The following EDIL3 variants were observed in gnomAD, a reference collection of about 807,000 sequenced individuals.
EDIL3 encodes the protein EGF like and discoidin domains 3, also known as EGF-like repeat and discoidin I-like domain-containing protein 3.
A neutral mutation model predicts 67.4 loss-of-function variants in EDIL3; 37 were observed. That is an observed-to-expected ratio of 0.55 (90% confidence interval 0.42 to 0.72). The LOEUF (loss-of-function observed/expected upper bound fraction) is 0.72. EDIL3 is among the 30% of genes least tolerant of loss of function. The pLI, the probability that EDIL3 is intolerant of heterozygous loss-of-function variation, is 0.00. For missense variants in EDIL3, 527 were observed against 586.3 expected, an observed-to-expected ratio of 0.90 and a Z score of 1.04; for synonymous variants, 195 against 196.3, an observed-to-expected ratio of 0.99 and a Z score of 0.05.
intron 5 of EDIL3, among the ~76,000 whole-genome samples, chr5:84,121,142 T>C (rs1404739222): frequency 6.6e-6 from 1 of 152,040 alleles, no homozygotes; most frequent in Admixed American, 6.6e-5. Flanking sequence ...CTGGTGTACA[T>C]ACGTTGAGCA....
chr5:84,077,822 ACTT>A (rs1288832179), intron 6 of EDIL3, among the ~76,000 whole-genome samples: 10 of 149,204 alleles, frequency 6.7e-5, no homozygotes, highest in African/African-American at 1.5e-4. Context: ...TTTCTCTTCC[ACTT>A]CTTCTTTTCT....
intron 2 of EDIL3, among the ~76,000 whole-genome samples, chr5:84,241,079 C>T (rs777844865): frequency 2.0e-5 from 3 of 152,136 alleles, no homozygotes; most frequent in Non-Finnish European, 2.9e-5. Context: ...TGATCTTTCC[C>T]CACTTGATAC....
At chr5:84,142,141 G>T (rs1267203359) in intron 4 of EDIL3, among the ~76,000 whole-genome samples, 2 of 151,480 alleles carry the variant, frequency 1.3e-5, no homozygotes, top group African/African-American at 2.4e-5. Flanking sequence ...CCATGAAATT[G>T]ACTTTGGAGT....
chr5:83,996,472 A>G (rs1745240328), intron 9 of EDIL3, among the ~76,000 whole-genome samples: 1 of 152,180 alleles, frequency 6.6e-6, no homozygotes, highest in African/African-American at 2.4e-5. Flanking sequence ...CACCATTGCC[A>G]GGTGAAGATT....
At chr5:84,336,446 A>G (rs2112171848) in intron 1 of EDIL3, among the ~76,000 whole-genome samples, 2 of 152,304 alleles carry the variant, frequency 1.3e-5, no homozygotes, top group South Asian at 4.1e-4. Context: ...GACAGTATGG[A>G]GAATGGATTA....
intron 4 of EDIL3, among the ~76,000 whole-genome samples, chr5:84,150,261 T>C (rs1395831302): frequency 6.6e-6 from 1 of 152,182 alleles, no homozygotes; most frequent in Non-Finnish European, 1.5e-5. Context: ...AAATAGATTG[T>C]AGATTACAAA....
intron 9 of EDIL3, among the ~76,000 whole-genome samples, chr5:83,990,545 AAAG>A (rs991773919): frequency 1.3e-5 from 2 of 151,904 alleles, no homozygotes; most frequent in African/African-American, 2.4e-5. Flanking sequence ...TGGAAGTCAG[AAAG>A]AAGACTTGGT....
At chr5:83,997,410 G>T (rs529762767) in intron 9 of EDIL3, among the ~76,000 whole-genome samples, 1 of 152,252 alleles carries the variant, frequency 6.6e-6, no homozygotes, top group African/African-American at 2.4e-5. Flanking sequence ...GTGAGCAATT[G>T]AGTAAAGAGG....
At chr5:84,140,059 T>C (rs553311189) in intron 4 of EDIL3, among the ~76,000 whole-genome samples, 1 of 152,270 alleles carries the variant, frequency 6.6e-6, no homozygotes, top group African/African-American at 2.4e-5. Flanking sequence ...AATGAACATT[T>C]GGAGCAGGAT....
At chr5:83,957,399 T>C (rs560887847) in intron 10 of EDIL3, among the ~76,000 whole-genome samples, 1 of 151,866 alleles carries the variant, frequency 6.6e-6, no homozygotes, top group South Asian at 2.1e-4. Flanking sequence ...ATGAGTATTA[T>C]TGACTACTCA....
At chr5:84,257,258 G>T (rs1212029708) in intron 1 of EDIL3, among the ~76,000 whole-genome samples, 1 of 152,190 alleles carries the variant, frequency 6.6e-6, no homozygotes, top group South Asian at 2.1e-4. Flanking sequence ...TTTCTACCAG[G>T]CATGTGGGCC....
intron 5 of EDIL3, among the ~76,000 whole-genome samples, chr5:84,116,029 A>G (rs890033991): frequency 3.3e-5 from 5 of 152,194 alleles, no homozygotes; most frequent in Non-Finnish European, 5.9e-5. Flanking sequence ...AAGCAATATT[A>G]CTGCCATGTC....
intron 3 of EDIL3, among the ~76,000 whole-genome samples, chr5:84,209,654 T>C (rs1449620081): frequency 1.3e-5 from 2 of 151,908 alleles, no homozygotes; most frequent in Non-Finnish European, 2.9e-5. Flanking sequence ...AAGAAAAACT[T>C]GACTCTTTCA....
At chr5:84,187,749 G>A (rs1179248968) in intron 3 of EDIL3, among the ~76,000 whole-genome samples, 1 of 151,830 alleles carries the variant, frequency 6.6e-6, no homozygotes, top group Non-Finnish European at 1.5e-5. Context: ...TTTAAAACCA[G>A]TTGTAAAGAA....
intron 1 of EDIL3, among the ~76,000 whole-genome samples, chr5:84,382,126 G>T (rs190052212): frequency 6.6e-6 from 1 of 152,310 alleles, no homozygotes. Context: ...AACAGAAAGG[G>T]CTAATGCAAA....
At chr5:84,127,472 A>C (rs1289916780) in intron 5 of EDIL3, among the ~76,000 whole-genome samples, 1 of 152,090 alleles carries the variant, frequency 6.6e-6, no homozygotes, top group Non-Finnish European at 1.5e-5. Context: ...CTCAAAGTAG[A>C]GTGCACCATA....
intron 7 of EDIL3, among the ~76,000 whole-genome samples, chr5:84,065,736 TAA>T (rs1210616125): frequency 6.6e-6 from 1 of 152,172 alleles, no homozygotes; most frequent in East Asian, 1.9e-4. Flanking sequence ...ATGAAGCATA[TAA>T]AGATATATAT....
chr5:84,336,286 G>T (rs965208604), intron 1 of EDIL3, among the ~76,000 whole-genome samples: 4 of 152,188 alleles, frequency 2.6e-5, no homozygotes, highest in Admixed American at 6.5e-5. Flanking sequence ...AACAGGGTGG[G>T]TGGAAGGTGA....
At chr5:84,038,113 G>A (rs775001047) in intron 9 of EDIL3, among the ~76,000 whole-genome samples, 20 of 146,920 alleles carry the variant, frequency 1.4e-4, no homozygotes, top group East Asian at 2.1e-4. Context: ...AGCAATTCTC[G>A]TGCTTCAGCC....
Sources: gnomAD v4.1 joint callset for allele counts (sites outside exome capture counted in the v4.1 genomes callset) on GRCh38, gnomAD v4.1.1 for gene constraint, MANE v1.5 for transcripts, NCBI Gene and HGNC (gene_info 2026-07-23, HGNC 2026-07-21) for gene names.